Variants in CD1E observed in about 807,000 individuals in gnomAD.
CD1E encodes CD1e molecule.
In CD1E, 49 loss-of-function variants were observed where a neutral mutation model predicts 40.1. That is an observed-to-expected ratio of 1.22 (90% CI 0.97 to 1.55). CD1E has a LOEUF of 1.55. Ranked by LOEUF, CD1E falls within the 40% of genes most tolerant of loss-of-function variation. CD1E has a pLI of 0.00. For missense variants in CD1E, 492 were observed against 471.3 expected (o/e 1.04, Z -0.41); for synonymous variants, 189 against 178.3 (o/e 1.06, Z -0.48).
chr1:158,354,772 T>C (rs973767969), intron 2 of CD1E, 99 bp downstream of exon 2: 1 of 1,081,078 alleles, frequency 9.3e-7, no homozygotes, highest in African/African-American at 1.6e-5. Context: ...TTAACCTTAC[T>C]AACCTTGTTC....
At chr1:158,356,386 T>A (rs550206635) in intron 4 of CD1E, 112 bp from the exon 5 acceptor site, 2 of 923,792 alleles carry the variant, frequency 2.2e-6, no homozygotes, top group East Asian at 5.3e-5. Flanking sequence ...ATGAGGGCTT[T>A]GGAAAACCCA....
chr1:158,356,350 C>T, intron 4 of CD1E, 148 bp from the exon 5 acceptor site: 1 of 782,010 alleles, frequency 1.3e-6, no homozygotes, highest in Non-Finnish European at 2.0e-6. Context: ...GAGGAGATCA[C>T]AGACAAAGGA....
Position 158,353,898 on chromosome 1 carries a change from G to C in CD1E, c.-91G>C. ...GTCTGTACAGCAAGGGAAGTCAGACGAGAGTGCAAGAGGGTGTGGAGAGGG... is the reference window on the plus strand; with the variant it reads ...GTCTGTACAGCAAGGGAAGTCAGACCAGAGTGCAAGAGGGTGTGGAGAGGG... On this transcript the variant is annotated 5_prime_UTR_variant, in exon 1 of 6. Transcript: ENST00000368167. 1.0e-6 allele frequency: 1 copy of C among 990,992 alleles called. No homozygotes were observed. Among genetic ancestry groups the C allele is most frequent in the South Asian group, 1.3e-5 (1 of 75,060 alleles). The allele number at this position is 990,992 out of a possible 1,614,324, so 61.4% of individuals were successfully genotyped here. A position where few individuals can be genotyped will look rare whatever the true frequency, so the allele number is the denominator to read the frequency against.
chr1:158,356,007 T>A lies in CD1E; in HGVS notation c.806T>A (p.Leu269His), dbSNP rs200279596. The change falls in exon 4 of 6, where the codon CTC becomes CAC. Residue 269 changes from leucine to histidine, a missense_variant. Physicochemically the swap from Leu to His is moderately conservative, Grantham distance 99 (BLOSUM62 -3). Coordinates refer to ENST00000368167, the MANE Select transcript of CD1E (RefSeq NM_030893.4). ...VLPNADETWY[L>H]RATLDVAAGE... is the part of the protein sequence containing the mutation. ...CCTAATGCTGACGAGACATGGTATC[T>A]CCGAGCAACCCTGGATGTGGCGGCT... 9.3e-6 allele frequency: 15 copies of A among 1,614,152 alleles called. No individual in the cohort carries two copies. In the Admixed American group the frequency reaches 2.3e-4, roughly 25 times the overall value.
chr1:158,354,565 G>T lies in CD1E; in HGVS notation c.247G>T (p.Gly83Ter), dbSNP rs755986691. 1 of 1,614,124 alleles carries T rather than the reference G, an allele frequency of 6.2e-7. No individual in the cohort carries two copies. Among genetic ancestry groups the T allele is most frequent in the African/African-American group, 1.3e-5 (1 of 75,016 alleles). The stretch of plus-strand genomic sequence containing the variant: ...CCGCTTTCTGAAGCCCTGGTCCCAT[G>T]GAAACTTCAGCAAGCAGGAGCTGAA... ...TIRFLKPWSH[G>*]NFSKQELKNL... is the part of the protein sequence containing the mutation. The change falls in exon 2 of 6, where the codon GGA (glycine) becomes TGA (stop). Residue 83 changes from glycine to a stop codon, truncating the protein, a stop_gained. Transcript: ENST00000368167. LOFTEE classifies it high-confidence loss of function.
Position 158,354,674 on chromosome 1 carries a change from G to GA in CD1E, c.355+1_355+2insA. The GA allele has an allele frequency of 6.2e-7, 1 of 1,609,900 alleles. No individual in the cohort carries two copies. The highest frequency in any genetic ancestry group is 8.5e-7 in the Non-Finnish European group (1 of 1,177,528). ...TCTGCTGGTCAATTTCAGCTTGAAT[G>GA]TAAGTTCGTTGCTCTAAGCTGATAA... On this transcript the variant is annotated splice_donor_variant, in intron 2 of 5. Transcript: ENST00000368167. LOFTEE classifies it high-confidence loss of function.
chr1:158,355,271 A>G (rs753820556), intron 2 of CD1E, 29 bp from the exon 3 acceptor site: 1 of 1,599,252 alleles, frequency 6.3e-7, no homozygotes, highest in South Asian at 1.1e-5. Flanking sequence ...TTCTTTCCAT[A>G]ATGATCTCTC....
Position 158,354,366 on chromosome 1 carries a change from C to T in CD1E, c.59-11C>T, listed in dbSNP as rs1205374966. 6 of 1,574,380 alleles carry T rather than the reference C, an allele frequency of 3.8e-6. No homozygotes were observed. Among genetic ancestry groups the T allele is most frequent in the South Asian group, 1.2e-5 (1 of 83,994 alleles). On this transcript the variant is annotated splice_polypyrimidine_tract_variant and intron_variant, in intron 1 of 5. Transcript: ENST00000368167. ...TACATTCTCTCTACTTGTCATTTCC[C>T]TCTCTCTCAGCTCCCCAGGCTCTAC...
At chr1:158,354,822 TCAC>T in intron 2 of CD1E, 149 bp downstream of exon 2, 2 of 671,884 alleles carry the variant, frequency 3.0e-6, no homozygotes, top group African/African-American at 1.8e-5. Context: ...GCTTCACCCT[TCAC>T]CACCACCCAC....
In CD1E at chr1:158,355,504, G is replaced by A; in HGVS notation, c.560G>A (p.Gly187Asp). The change falls in exon 3 of 6, where the codon GGT becomes GAT. Residue 187 changes from glycine (G) to aspartate (D), a missense_variant. Coordinates refer to ENST00000368167, the MANE Select transcript of CD1E (RefSeq NM_030893.4). ...DIKEILQSLL[G>D]HTCPRFLAGL... ...AAGGAAATACTGCAAAGCCTTCTTG[G>A]TCACACCTGCCCTCGATTTCTAGCG... 2 of 1,614,106 alleles carry A rather than the reference G, an allele frequency of 1.2e-6. No homozygotes were observed. The highest frequency in any genetic ancestry group is 1.7e-5 in the Admixed American group (1 of 60,016).
chr1:158,355,621 A>G (rs766743021), intron 3 of CD1E, 52 bp downstream of exon 3: 1 of 1,557,022 alleles, frequency 6.4e-7, no homozygotes, highest in South Asian at 1.2e-5. Flanking sequence ...TAACTCTCAT[A>G]TTTGAATTTG....
At position 158,355,378 on chromosome 1, in the gene CD1E, C is replaced by A. The variant is rs765225218; in HGVS notation, c.434C>A (p.Ser145Ter). ...TTCTTAAATATGGCATATCAAGGGTCAGATTTCCTGAGTTTCCAAGGAATT... is the reference window on the plus strand; with the variant it reads ...TTCTTAAATATGGCATATCAAGGGTAAGATTTCCTGAGTTTCCAAGGAATT... ...QIFLNMAYQG[S>*]DFLSFQGISW... The change falls in exon 3 of 6, where the codon TCA becomes TAA. Residue 145 changes from serine to a stop codon, truncating the protein, a stop_gained. Coordinates refer to ENST00000368167, the MANE Select transcript of CD1E (RefSeq NM_030893.4). LOFTEE classifies it high-confidence loss of function. The A allele has an allele frequency of 1.2e-6, 2 of 1,613,936 alleles. No homozygotes were observed. The highest frequency in any genetic ancestry group is 1.7e-6 in the Non-Finnish European group (2 of 1,179,962).
At chr1:158,356,612 T>C in intron 5 of CD1E, 21 bp downstream of exon 5, 1 of 1,605,810 alleles carries the variant, frequency 6.2e-7, no homozygotes, top group East Asian at 2.2e-5. Flanking sequence ...TCTTGTTCTT[T>C]GTTTCTTCAG....
chr1:158,354,741 TATA>T, intron 2 of CD1E, 68 bp downstream of exon 2: 2 of 1,344,394 alleles, frequency 1.5e-6, no homozygotes, highest in Non-Finnish European at 2.1e-6. Flanking sequence ...TGGAAGATAG[TATA>T]TAGACTCTGA....
rs557289245 is a variant in CD1E at position 158,356,858 on chromosome 1, T to C, written c.1129T>C (p.Leu377=). 119 of 1,614,088 alleles carry C rather than the reference T, an allele frequency of 7.4e-5. No individual in the cohort carries two copies. The highest frequency in any genetic ancestry group is 1.6e-4 in the African/African-American group (12 of 75,018). ...AQVSWIKNRV[L]KKWKTRLNQL... is the part of the protein sequence containing the mutation. ...AGTATCGTGGATCAAAAACAGAGTATTGAAGAAGTGGAAGACACGCCTAAA... is the reference window on the plus strand; with the variant it reads ...AGTATCGTGGATCAAAAACAGAGTACTGAAGAAGTGGAAGACACGCCTAAA... The change falls in exon 6 of 6, where the codon TTG becomes CTG. Residue 377 remains leucine, a synonymous_variant. Coordinates refer to ENST00000368167, the MANE Select transcript of CD1E (RefSeq NM_030893.4).
chr1:158,354,327 T>G, intron 1 of CD1E, 50 bp from the exon 2 acceptor site: 1 of 1,516,128 alleles, frequency 6.6e-7, no homozygotes, highest in Non-Finnish European at 8.9e-7. Flanking sequence ...TTGGCATCAC[T>G]TTTCCCATCC....
chr1:158,356,350 C>A, intron 4 of CD1E, 148 bp from the exon 5 acceptor site: 1 of 782,010 alleles, frequency 1.3e-6, no homozygotes, highest in Non-Finnish European at 2.0e-6. Context: ...GAGGAGATCA[C>A]AGACAAAGGA....
intron 4 of CD1E, 155 bp from the exon 5 acceptor site, chr1:158,356,343 G>A (rs1182737252): frequency 2.6e-6 from 2 of 765,770 alleles, no homozygotes; most frequent in Admixed American, 2.9e-5. Flanking sequence ...GGGTTGGGAG[G>A]AGATCACAGA....
Position 158,355,310 on chromosome 1 carries a change from G to T in CD1E, c.366G>T (p.Glu122Asp). ...AGQFQLEYPF[E>D]IQILAGCRMN... ...CCTGTCCACTCTCAGACCCCTTCGAGATCCAGATATTAGCTGGCTGTAGAA... is the reference window on the plus strand; with the variant it reads ...CCTGTCCACTCTCAGACCCCTTCGATATCCAGATATTAGCTGGCTGTAGAA... The change falls in exon 3 of 6, where the codon GAG becomes GAT. Residue 122 changes from glutamate to aspartate, a missense_variant. Glu to Asp is a conservative substitution (Grantham distance 45). Transcript: ENST00000368167. 6.2e-7 allele frequency: 1 copy of T among 1,613,718 alleles called. No individual in the cohort carries two copies. The highest frequency in any genetic ancestry group is 8.5e-7 in the Non-Finnish European group (1 of 1,179,810).
Sources: allele counts gnomAD v4.1 joint callset, GRCh38; gene constraint gnomAD v4.1.1; transcripts MANE v1.5; gene names NCBI Gene and HGNC (gene_info 2026-07-23, HGNC 2026-07-21).